The following METTL21A variants were observed in gnomAD, a reference collection of about 807,000 sequenced individuals.
The protein encoded by METTL21A is protein N-lysine methyltransferase METTL21A.
Under a neutral mutation model 20.9 loss-of-function variants are expected in METTL21A, and 22 were observed. That is an observed-to-expected ratio of 1.05 (90% CI 0.75 to 1.50). The LOEUF (loss-of-function observed/expected upper bound fraction) is 1.50. Among genes scored for constraint, METTL21A ranks in the 40% most tolerant of loss-of-function variants. The pLI is 0.00. For missense variants in METTL21A, 271 were observed against 266.8 expected (o/e 1.02, Z -0.11); for synonymous variants, 93 against 102.0 (o/e 0.91, Z 0.53).
chr2:207,614,937 T>C (rs1449786258), intron 3 of METTL21A, among the ~76,000 whole-genome samples: 1 of 152,228 alleles, frequency 6.6e-6, no homozygotes, highest in African/African-American at 2.4e-5. Context: ...CCCACAGGAT[T>C]CCAGACTAGT....
At chr2:207,602,571 A>G (rs576332570) in intron 3 of METTL21A, 3 of 211,734 alleles carry the variant, frequency 1.4e-5, no homozygotes, top group Non-Finnish European at 2.9e-5. Flanking sequence ...GTTAGCTTAA[A>G]AATTGGTAGG....
At chr2:207,586,990 A>G (rs2083963284) in intron 3 of METTL21A, among the ~76,000 whole-genome samples, 1 of 152,250 alleles carries the variant, frequency 6.6e-6, no homozygotes. Context: ...AACACTGATG[A>G]TGCAGAGAAA....
chr2:207,587,392 CAA>C (rs765065014), intron 3 of METTL21A, among the ~76,000 whole-genome samples: 10 of 82,720 alleles, frequency 1.2e-4, no homozygotes, highest in African/African-American at 1.8e-4. Context: ...GACTCCATCT[CAA>C]AAAAAAAAAA....
chr2:207,590,306 G>A (rs1056923943), intron 3 of METTL21A, among the ~76,000 whole-genome samples: 5 of 151,346 alleles, frequency 3.3e-5, no homozygotes, highest in South Asian at 2.1e-4. Flanking sequence ...GTTAATTTTT[G>A]TCTTTCCTCT....
At chr2:207,610,780 CGGGA>C (rs2088782593), downstream of METTL21A, 1 of 29,842 alleles carries the variant, frequency 3.4e-5, no homozygotes, top group Non-Finnish European at 6.0e-5. Flanking sequence ...CCGCCCCGTC[CGGGA>C]GGGAGGTGGG....
At chr2:207,583,122 T>C (rs1197734038) in intron 3 of METTL21A, among the ~76,000 whole-genome samples, 1 of 152,064 alleles carries the variant, frequency 6.6e-6, no homozygotes, top group Non-Finnish European at 1.5e-5. Flanking sequence ...GTATTAAATA[T>C]TATAAGTAAT....
chr2:207,616,751 C>T (rs1224797527), intron 3 of METTL21A, among the ~76,000 whole-genome samples: 1 of 152,128 alleles, frequency 6.6e-6, no homozygotes, highest in African/African-American at 2.4e-5. Context: ...GAGGCTGAGG[C>T]AGGAGAATCG....
intron 3 of METTL21A, among the ~76,000 whole-genome samples, chr2:207,620,155 T>A (rs954727248): frequency 1.3e-5 from 2 of 151,766 alleles, no homozygotes; most frequent in Non-Finnish European, 2.9e-5. Context: ...CAGAAAAAAA[T>A]AAAACAGGCC....
chr2:207,602,663 T>C lies in METTL21A; in HGVS notation c.259+19143A>G, dbSNP rs572032876. 7.9e-4 allele frequency: 167 copies of C among 210,206 alleles called. 1 individual carries two copies. Among genetic ancestry groups the C allele is most frequent in the African/African-American group, 3.7e-3 (163 of 44,212 alleles). 13.0% of individuals were successfully genotyped at this position (210,206 alleles called of 1,614,324 possible). On this transcript the variant is annotated intron_variant, in intron 3 of 3. Coordinates refer to the METTL21A transcript ENST00000425132. ...CTATCATTGTGTTTGGGAGGTTTTA[T>C]TTTCTTATGTTTTTAAAATTGGTAA...
At position 207,616,527 on chromosome 2, in the gene METTL21A, A is replaced by C. The variant is rs1575132089; in HGVS notation, c.260-3084T>G. Among the ~76,000 whole-genome samples the C allele has an allele frequency of 3.9e-5, 6 of 152,360 alleles. 1 individual carries two copies. The highest frequency in any genetic ancestry group is 3.9e-4 in the Admixed American group (6 of 15,302). On this transcript the variant is annotated intron_variant, in intron 3 of 3. Transcript: ENST00000406927. ...TACAACTTACATTCAAGTGAGAGATAGGCAGTAAGACGTTTTTTAAAAAAA... is the reference window on the plus strand; with the variant it reads ...TACAACTTACATTCAAGTGAGAGATCGGCAGTAAGACGTTTTTTAAAAAAA...
intron 2 of METTL21A, 22 bp downstream of exon 2, chr2:207,624,207 A>G: frequency 6.4e-7 from 1 of 1,557,712 alleles, no homozygotes; most frequent in Non-Finnish European, 8.6e-7. Context: ...ACGTTTTCAG[A>G]GGTCCCCCAG....
At chr2:207,608,931 A>T (rs2088542666), downstream of METTL21A, among the ~76,000 whole-genome samples, 1 of 152,200 alleles carries the variant, frequency 6.6e-6, no homozygotes, top group African/African-American at 2.4e-5. Flanking sequence ...ATTCCCAATA[A>T]CATACCTAAG....
At chr2:207,602,095 C>A in intron 3 of METTL21A, 1 of 205,196 alleles carries the variant, frequency 4.9e-6, no homozygotes, top group Non-Finnish European at 1.0e-5. Flanking sequence ...ATGATAAGTT[C>A]TTATTGATTA....
At chr2:207,581,347 TA>T, downstream of METTL21A, 1 of 198,812 alleles carries the variant, frequency 5.0e-6, no homozygotes, top group Non-Finnish European at 1.0e-5. Context: ...TATATACAAC[TA>T]GCCATTAAGA....
At chr2:207,593,757 C>T (rs2085546172) in intron 3 of METTL21A, among the ~76,000 whole-genome samples, 1 of 138,986 alleles carries the variant, frequency 7.2e-6, no homozygotes, top group Non-Finnish European at 1.5e-5. Flanking sequence ...AAACACCTAT[C>T]ACCCAGGCTG....
chr2:207,614,562 T>G (rs1365890387), intron 3 of METTL21A, among the ~76,000 whole-genome samples: 7 of 152,216 alleles, frequency 4.6e-5, no homozygotes, highest in African/African-American at 1.7e-4. Context: ...ACTTACATGT[T>G]TTACGTATTT....
chr2:207,624,593 G>A (rs922851364), intron 1 of METTL21A, 189 bp from the exon 2 acceptor site: 3 of 481,192 alleles, frequency 6.2e-6, no homozygotes, highest in African/African-American at 2.0e-5. Context: ...CGGAATTTGT[G>A]TCAACGGATG....
At chr2:207,602,896 C>A in intron 3 of METTL21A, 1 of 217,316 alleles carries the variant, frequency 4.6e-6, no homozygotes, top group Non-Finnish European at 9.3e-6. Context: ...TCCCCCACTC[C>A]CTGCAAAAGG....
At chr2:207,598,486 TAAA>T (rs143222694) in intron 3 of METTL21A, 10,447 of 167,840 alleles carry the variant, frequency 0.062, 117 homozygotes, top group East Asian at 0.22. Context: ...CAGTTACTCT[TAAA>T]AAAAAAAAAA....
Sources: allele counts gnomAD v4.1 joint callset (sites outside exome capture counted in the v4.1 genomes callset), GRCh38; gene constraint gnomAD v4.1.1; transcripts MANE v1.5; gene names NCBI Gene and HGNC (gene_info 2026-07-23, HGNC 2026-07-21).